Variants in TNKS observed in about 807,000 individuals in gnomAD.
The protein encoded by TNKS is tankyrase, also known as poly [ADP-ribose] polymerase tankyrase-1.
TNKS carries 72 observed loss-of-function variants against 135.8 expected under a neutral mutation model. The observed-to-expected ratio is 0.53, with a 90% CI of 0.44 to 0.64. The LOEUF is 0.64. Among genes scored for constraint, TNKS ranks in the 30% least tolerant of loss-of-function variants. TNKS has a pLI of 0.00. For missense variants in TNKS, 1,769 were observed against 1,674.0 expected, an observed-to-expected ratio of 1.06 and a Z score of -0.99; for synonymous variants, 849 against 649.3, an observed-to-expected ratio of 1.31 and a Z score of -4.68.
rs550239038 is a variant in TNKS at position 9,664,640 on chromosome 8, A to G, written c.995-15311A>G. Among the ~76,000 whole-genome samples the G allele has an allele frequency of 5.3e-4, 80 of 152,366 alleles. 1 individual carries two copies. In the South Asian group the frequency reaches 0.016, roughly 30 times the overall value. ...ACATATTTCTTATTATAAATCACTC[A>G]CAGTACATATACAGGTAATGTACAT... On this transcript the variant is annotated intron_variant, in intron 3 of 26. Transcript: ENST00000310430.
At chr8:9,717,071 TAATATATATATATATATATA>T (rs1362260810) in intron 11 of TNKS, among the ~76,000 whole-genome samples, 1 of 13,784 alleles carries the variant, frequency 7.3e-5, no homozygotes, top group East Asian at 2.1e-3. Context: ...TGTTGTATTA[TAATATATATATATATATATA>T]TATATATATA....
chr8:9,736,350 T>TA (rs1204895063), intron 17 of TNKS, among the ~76,000 whole-genome samples: 10,035 of 87,186 alleles, frequency 0.12, 532 homozygotes, highest in South Asian at 0.16. Flanking sequence ...AGACCTCATC[T>TA]AAAAAAAAAA....
At chr8:9,573,920 G>A (rs576486681) in intron 1 of TNKS, among the ~76,000 whole-genome samples, 118 of 152,104 alleles carry the variant, frequency 7.8e-4, no homozygotes, top group Admixed American at 2.2e-3. Context: ...ATTTAATATT[G>A]GCCATCGTTC....
intron 14 of TNKS, among the ~76,000 whole-genome samples, chr8:9,732,734 A>T (rs539760815): frequency 3.5e-4 from 53 of 152,298 alleles, no homozygotes; most frequent in African/African-American, 1.3e-3. Context: ...CTCTCAGAAT[A>T]GTTTGCCCAT....
chr8:9,759,804 C>G (rs1390108738), intron 20 of TNKS, among the ~76,000 whole-genome samples: 3 of 152,014 alleles, frequency 2.0e-5, no homozygotes, highest in Non-Finnish European at 4.4e-5. Flanking sequence ...GAAACCCCAT[C>G]TCTACTAAAA....
At chr8:9,647,055 A>G (rs1296171465) in intron 3 of TNKS, among the ~76,000 whole-genome samples, 1 of 152,240 alleles carries the variant, frequency 6.6e-6, no homozygotes, top group Non-Finnish European at 1.5e-5. Flanking sequence ...CCAATATCAT[A>G]GGAAAATTAA....
At chr8:9,759,689 C>G (rs963041110) in intron 20 of TNKS, among the ~76,000 whole-genome samples, 4 of 151,976 alleles carry the variant, frequency 2.6e-5, no homozygotes, top group Admixed American at 6.6e-5. Flanking sequence ...AAAAGTCTGA[C>G]GAGGGCCAGG....
chr8:9,602,834 A>G (rs1020204255), intron 2 of TNKS, among the ~76,000 whole-genome samples: 2 of 152,232 alleles, frequency 1.3e-5, no homozygotes, highest in African/African-American at 2.4e-5. Context: ...AACAATAGTG[A>G]GATTTTTAAC....
rs772728623 is a variant in TNKS, at chr8:9,709,969, C to T, written c.1593C>T (p.Ala531=). ...TTACTTTATAGCACTGTGCTGTGGC[C>T]TCTCTGCATCCCAAACGTAAACAAG... The part of the protein sequence containing the change: ...SHETALHCAV[A]SLHPKRKQVT... The change falls in exon 10 of 27, where the codon GCC becomes GCT. Residue 531 remains alanine, a synonymous_variant. Coordinates refer to ENST00000310430, the MANE Select transcript of TNKS (RefSeq NM_003747.3). The T allele has an allele frequency of 6.2e-7, 1 of 1,613,672 alleles. No homozygotes were observed. The highest frequency in any genetic ancestry group is 2.2e-5 in the East Asian group (1 of 44,860).
intron 3 of TNKS, among the ~76,000 whole-genome samples, chr8:9,668,703 G>C (rs939308200): frequency 6.6e-6 from 1 of 152,162 alleles, no homozygotes; most frequent in East Asian, 1.9e-4. Flanking sequence ...ATTTTAACAA[G>C]TGCAAATGAT....
chr8:9,669,987 G>A (rs547616415), intron 3 of TNKS: 1 of 152,258 alleles, frequency 6.6e-6, no homozygotes, highest in Admixed American at 6.5e-5. Flanking sequence ...TTCAAAAAAA[G>A]TGACTCAGTG....
chr8:9,674,338 T>C (rs546071674), intron 3 of TNKS, among the ~76,000 whole-genome samples: 4 of 152,324 alleles, frequency 2.6e-5, no homozygotes, highest in South Asian at 4.1e-4. Flanking sequence ...AGATCTGTTA[T>C]TCAGTCCAGC....
intron 2 of TNKS, among the ~76,000 whole-genome samples, chr8:9,585,652 C>A (rs969619272): frequency 6.6e-6 from 1 of 152,146 alleles, no homozygotes; most frequent in Non-Finnish European, 1.5e-5. Flanking sequence ...TGATAAAGAA[C>A]AGTTCTGCAG....
At chr8:9,688,725 C>T (rs1301374234) in intron 5 of TNKS, among the ~76,000 whole-genome samples, 5 of 152,098 alleles carry the variant, frequency 3.3e-5, no homozygotes, top group Non-Finnish European at 5.9e-5. Context: ...CTGCAAGCTC[C>T]GCCTCCTGGG....
chr8:9,655,254 C>G (rs1158371846), intron 3 of TNKS, among the ~76,000 whole-genome samples: 1 of 152,212 alleles, frequency 6.6e-6, no homozygotes, highest in Non-Finnish European at 1.5e-5. Flanking sequence ...GAAACTCGAA[C>G]TGGGTGGAGC....
At chr8:9,740,297 C>T (rs946070759) in intron 17 of TNKS, among the ~76,000 whole-genome samples, 6 of 152,142 alleles carry the variant, frequency 3.9e-5, no homozygotes, top group Non-Finnish European at 5.9e-5. Context: ...GATGCCAGTT[C>T]ATACGTACCA....
chr8:9,630,007 C>T (rs1800224622), intron 3 of TNKS, among the ~76,000 whole-genome samples: 1 of 152,148 alleles, frequency 6.6e-6, no homozygotes, highest in South Asian at 2.1e-4. Flanking sequence ...ATATTTAGGT[C>T]TCAGCCTAAA....
chr8:9,702,341 A>G (rs1803845093), intron 5 of TNKS, among the ~76,000 whole-genome samples: 1 of 152,226 alleles, frequency 6.6e-6, no homozygotes, highest in Admixed American at 6.5e-5. Flanking sequence ...ACACACGAAG[A>G]AAACTATACC....
chr8:9,658,694 A>G (rs1263510693), intron 3 of TNKS, among the ~76,000 whole-genome samples: 1 of 152,250 alleles, frequency 6.6e-6, no homozygotes, highest in Non-Finnish European at 1.5e-5. Context: ...CAAAATAACT[A>G]GCTAACATCA....
Sources: allele counts gnomAD v4.1 joint callset (sites outside exome capture counted in the v4.1 genomes callset), GRCh38; gene constraint gnomAD v4.1.1; transcripts MANE v1.5; gene names NCBI Gene and HGNC (gene_info 2026-07-23, HGNC 2026-07-21).